ZFHX4: variants seen among roughly 807,000 people sequenced by gnomAD.
ZFHX4 encodes the protein zinc finger homeobox protein 4.
A neutral mutation model predicts 267.6 loss-of-function variants in ZFHX4; 56 were observed. The observed-to-expected ratio is 0.21, with a 90% CI of 0.17 to 0.26. The LOEUF (loss-of-function observed/expected upper bound fraction) is 0.26, where lower values mean the gene tolerates loss of function less well. Ranked by LOEUF, ZFHX4 falls within the 10% of genes least tolerant of loss-of-function variation. ZFHX4 has a pLI of 1.00. For missense variants in ZFHX4, 4,332 were observed against 4,420.0 expected (o/e 0.98, Z 0.56); for synonymous variants, 1,778 against 1,665.6 (o/e 1.07, Z -1.64).
chr8:76,796,606 A>G (rs2131817448), intron 4 of ZFHX4, among the ~76,000 whole-genome samples: 1 of 152,284 alleles, frequency 6.6e-6, no homozygotes, highest in South Asian at 2.1e-4. Flanking sequence ...AAACAAATAT[A>G]CCGTAATACT....
In ZFHX4 at chr8:76,705,627, T is replaced by C. The variant is rs774899588; in HGVS notation, c.1539T>C (p.Ser513=). The C allele has an allele frequency of 4.3e-6, 7 of 1,613,724 alleles. No homozygotes were observed. Among genetic ancestry groups the C allele is most frequent in the Non-Finnish European group, 5.9e-6 (7 of 1,179,832 alleles). Residue 513 remains serine (S), a synonymous_variant, in exon 2 of 11, where the codon AGT becomes AGC. Transcript: ENST00000651372. ...LNQSISPLSS[S]VLKFIEKGTS... is the part of the protein sequence containing the mutation. ...AAAGCATTTCTCCTTTATCATCCAG[T>C]GTGCTAAAATTTATTGAAAAGGGTA... is the stretch of plus-strand genomic sequence containing the variant.
chr8:76,737,234 G>A (rs559348957), intron 3 of ZFHX4, among the ~76,000 whole-genome samples: 1 of 152,194 alleles, frequency 6.6e-6, no homozygotes, highest in East Asian at 1.9e-4. Context: ...TACTTACCCA[G>A]TTTGACCTTT....
intron 3 of ZFHX4, among the ~76,000 whole-genome samples, chr8:76,736,000 A>T (rs1809149133): frequency 6.6e-6 from 1 of 152,088 alleles, no homozygotes; most frequent in East Asian, 1.9e-4. Context: ...TTTTGTGTTT[A>T]TATATTTTAA....
intron 4 of ZFHX4, among the ~76,000 whole-genome samples, chr8:76,811,317 C>T (rs1257984519): frequency 4.6e-5 from 7 of 152,188 alleles, no homozygotes; most frequent in Non-Finnish European, 1.0e-4. Flanking sequence ...ACGAAGGATG[C>T]ACCTCATAGA....
In ZFHX4 at chr8:76,781,540, C is replaced by CG. The variant is rs1810547054; in HGVS notation, c.3325+3101_3325+3102insG. Reference sequence around the variant, plus strand: ...CAAGCCTGGTTCTTAAACTGGGTTTCTTAACTTTTCATTTGATTTTGTTGG... The same window carrying CG: ...CAAGCCTGGTTCTTAAACTGGGTTTCGTTAACTTTTCATTTGATTTTGTTGG... On this transcript the variant is annotated intron_variant, in intron 4 of 10. Transcript: ENST00000651372. 2.0e-5 allele frequency among the ~76,000 whole-genome samples: 3 copies of CG among 152,084 alleles called. No individual in the cohort carries two copies. In the East Asian group the frequency reaches 5.8e-4, roughly 29 times the overall value.
intron 10 of ZFHX4, among the ~76,000 whole-genome samples, chr8:76,861,710 A>AT (rs1348939618): frequency 4.0e-5 from 6 of 151,334 alleles, no homozygotes; most frequent in Non-Finnish European, 8.9e-5. Context: ...TTTATTTTTT[A>AT]TTTTTTTATT....
In ZFHX4 at chr8:76,854,555, C is replaced by G; in HGVS notation, c.7634C>G (p.Pro2545Arg). The change falls in exon 10 of 11, where the codon CCG becomes CGG. Residue 2545 changes from proline to arginine, a missense_variant. This residue lies in a region of ZFHX4 where 1,648 missense variants were observed against 1,625.0 expected (regional missense o/e 1.01). Transcript: ENST00000651372. ...MPYMIFDPNN[P>R]LMTGQLLGSS... is the part of the protein sequence containing the mutation. Reference sequence around the variant, plus strand: ...TACATGATATTTGACCCCAACAATCCGCTGATGACTGGACAACTGCTGGGC... The same window carrying G: ...TACATGATATTTGACCCCAACAATCGGCTGATGACTGGACAACTGCTGGGC... The G allele has an allele frequency of 6.2e-7, 1 of 1,613,738 alleles. No homozygotes were observed. The highest frequency in any genetic ancestry group is 8.5e-7 in the Non-Finnish European group (1 of 1,179,852).
chr8:76,791,177 T>C (rs1413426150), intron 4 of ZFHX4, among the ~76,000 whole-genome samples: 3 of 152,178 alleles, frequency 2.0e-5, no homozygotes, highest in Non-Finnish European at 2.9e-5. Flanking sequence ...TTCATTGAGG[T>C]ACTTTTCAAT....
chr8:76,729,475 G>A (rs776652721), intron 3 of ZFHX4, among the ~76,000 whole-genome samples: 39 of 152,024 alleles, frequency 2.6e-4, no homozygotes, highest in Non-Finnish European at 5.4e-4. Flanking sequence ...CTTACTTTTT[G>A]TACAAAATAT....
intron 3 of ZFHX4, among the ~76,000 whole-genome samples, chr8:76,777,455 A>G (rs1286383920): frequency 2.0e-5 from 3 of 152,208 alleles, no homozygotes; most frequent in East Asian, 1.9e-4. Context: ...GAATTAGATT[A>G]AACTTCAAAT....
intron 4 of ZFHX4, among the ~76,000 whole-genome samples, chr8:76,812,152 G>C (rs1206499026): frequency 6.6e-6 from 1 of 152,188 alleles, no homozygotes; most frequent in Non-Finnish European, 1.5e-5. Context: ...ACTTCTAAAT[G>C]AAAGATTAAG....
At chr8:76,711,107 A>C (rs763629176) in intron 3 of ZFHX4, among the ~76,000 whole-genome samples, 1 of 152,160 alleles carries the variant, frequency 6.6e-6, no homozygotes, top group East Asian at 1.9e-4. Context: ...TGATCTTTCC[A>C]TATGGACTCA....
intron 3 of ZFHX4, among the ~76,000 whole-genome samples, chr8:76,747,278 A>C (rs948462388): frequency 6.6e-6 from 1 of 152,256 alleles, no homozygotes; most frequent in East Asian, 1.9e-4. Flanking sequence ...TGTTCCTTCC[A>C]GCTTTTATTT....
At chr8:76,706,780 C>A in intron 2 of ZFHX4, 102 bp downstream of exon 2, 1 of 1,277,040 alleles carries the variant, frequency 7.8e-7, no homozygotes, top group Non-Finnish European at 1.1e-6. Context: ...AAATTGAGGA[C>A]AGCTTACTAG....
At chr8:76,829,358 G>T (rs1471193256) in intron 4 of ZFHX4, among the ~76,000 whole-genome samples, 4 of 152,078 alleles carry the variant, frequency 2.6e-5, no homozygotes, top group East Asian at 1.9e-4. Flanking sequence ...CCTGAAAGTT[G>T]TCAGTTTACT....
At chr8:76,762,562 A>G (rs1422877535) in intron 3 of ZFHX4, among the ~76,000 whole-genome samples, 1 of 152,192 alleles carries the variant, frequency 6.6e-6, no homozygotes, top group Non-Finnish European at 1.5e-5. Context: ...AATATGCCAT[A>G]AAAGCAAATG....
At position 76,835,221 on chromosome 8, in the gene ZFHX4, A is replaced by G. The variant is rs1427017528; in HGVS notation, c.3394+1815A>G. On this transcript the variant is annotated intron_variant, in intron 5 of 10. Coordinates refer to ENST00000651372, the MANE Select transcript of ZFHX4 (RefSeq NM_024721.5). ...CTTTTGCTTTGGTGTATATATATGT[A>G]TATATATATATATATATATGTATAT... 1.2e-3 allele frequency among the ~76,000 whole-genome samples: 92 copies of G among 79,606 alleles called. 2 individuals carry two copies. Among genetic ancestry groups the G allele is most frequent in the Middle Eastern group, 5.8e-3 (1 of 172 alleles). The allele number at this position is 79,606 out of a possible 152,430, so 52.2% of individuals were successfully genotyped here.
In ZFHX4 at chr8:76,709,792, CGTGTGTGTGCGTGT is replaced by C. The variant is rs1260499199; in HGVS notation, c.3093+1754_3093+1767del. On this transcript the variant is annotated intron_variant, in intron 3 of 10. Transcript: ENST00000651372. ...TTAAATGTATGTGTGCGTGTGTGTG[CGTGTGTGTGCGTGT>C]GTGTGTGTGTGTGTGTGTGTGTGTG... Among the ~76,000 whole-genome samples, 846 of 139,640 alleles carry C rather than the reference CGTGTGTGTGCGTGT, an allele frequency of 6.1e-3. 6 individuals are homozygous for C. The highest frequency in any genetic ancestry group is 0.022 in the African/African-American group (786 of 35,774). The allele number at this position is 139,640 out of a possible 152,430, so 91.6% of individuals were successfully genotyped here. A position where few individuals can be genotyped will look rare whatever the true frequency, so the allele number is the denominator to read the frequency against.
intron 4 of ZFHX4, among the ~76,000 whole-genome samples, chr8:76,824,967 A>T (rs1413083436): frequency 6.6e-6 from 1 of 152,236 alleles, no homozygotes; most frequent in East Asian, 1.9e-4. Context: ...TACTTAAAAA[A>T]ATAACTTTTA....
Sources: allele counts gnomAD v4.1 joint callset (sites outside exome capture counted in the v4.1 genomes callset), GRCh38; gene constraint gnomAD v4.1.1; regional missense constraint gnomAD v4.1.1; transcripts MANE v1.5; gene names NCBI Gene and HGNC (gene_info 2026-07-23, HGNC 2026-07-21).